GARNL3: variants seen among roughly 807,000 people sequenced by gnomAD.
GARNL3 encodes GTPase-activating Rap/Ran-GAP domain-like protein 3.
GARNL3 carries 63 observed loss-of-function variants against 125.0 expected under a neutral mutation model. The ratio of observed to expected loss-of-function variants is 0.50; its 90% CI spans 0.41 to 0.62. The LOEUF (loss-of-function observed/expected upper bound fraction) is 0.62, where lower values mean the gene tolerates loss of function less well. Ranked by LOEUF, GARNL3 falls within the 20% of genes least tolerant of loss-of-function variation. The pLI is 0.00. For missense variants in GARNL3, 994 were observed against 1,244.0 expected, an observed-to-expected ratio of 0.80 and a Z score of 3.02; for synonymous variants, 439 against 457.5, an observed-to-expected ratio of 0.96 and a Z score of 0.52.
chr9:127,251,619 C>T (rs80084367), intron 2 of GARNL3, among the ~76,000 whole-genome samples: 2,295 of 152,174 alleles, frequency 0.015, 22 homozygotes, highest in Middle Eastern at 0.034. Flanking sequence ...ATATAGAGAC[C>T]ACTTGAAAAG....
intron 18 of GARNL3, 65 bp downstream of exon 18, chr9:127,354,009 C>A: frequency 9.6e-7 from 1 of 1,046,812 alleles, no homozygotes; most frequent in Non-Finnish European, 1.5e-6. Flanking sequence ...GCGGCCCACA[C>A]CACAGGTCGC....
chr9:127,344,816 T>C (rs1830052433), intron 15 of GARNL3, among the ~76,000 whole-genome samples: 2 of 152,110 alleles, frequency 1.3e-5, no homozygotes, highest in Admixed American at 1.3e-4. Flanking sequence ...ATCCCCTTAT[T>C]CCAGGCATTG....
intron 1 of GARNL3, among the ~76,000 whole-genome samples, chr9:127,275,113 AC>A (rs2063920350): frequency 6.6e-6 from 1 of 152,204 alleles, no homozygotes; most frequent in African/African-American, 2.4e-5. Context: ...ACCTTTATGT[AC>A]TGCTCTTAGC....
chr9:127,357,782 T>TA (rs59319315), intron 21 of GARNL3, among the ~76,000 whole-genome samples: 114 of 147,288 alleles, frequency 7.7e-4, no homozygotes, highest in Middle Eastern at 7.1e-3. Flanking sequence ...TATTTAAAAT[T>TA]AAAAAAAAAA....
chr9:127,273,547 A>G (rs2063875840), intron 1 of GARNL3, among the ~76,000 whole-genome samples: 2 of 152,370 alleles, frequency 1.3e-5, no homozygotes, highest in South Asian at 4.1e-4. Context: ...CCCAACCATA[A>G]GTTAGCTACA....
In GARNL3 at chr9:127,272,583, G is replaced by A. The variant is rs142967063; in HGVS notation, c.144+7562G>A. Among the ~76,000 whole-genome samples the A allele has an allele frequency of 5.7e-3, 861 of 151,898 alleles. 23 individuals are homozygous for A. The East Asian group carries it at 0.086, about 15-fold the overall frequency. ...CAACCTCTGCCTCCCAGGTTCAAGCGATTCTCCTGCCTCAGCCTCCTGAGT... is the reference window on the plus strand; with the variant it reads ...CAACCTCTGCCTCCCAGGTTCAAGCAATTCTCCTGCCTCAGCCTCCTGAGT... On this transcript the variant is annotated intron_variant, in intron 1 of 27. Transcript: ENST00000373387.
chr9:127,326,175 C>A (rs1289513496), intron 7 of GARNL3, among the ~76,000 whole-genome samples: 1 of 152,190 alleles, frequency 6.6e-6, no homozygotes, highest in African/African-American at 2.4e-5. Context: ...GAATAGTACA[C>A]CCTGCCTGTC....
At chr9:127,351,071 C>T (rs1162052503) in intron 17 of GARNL3, among the ~76,000 whole-genome samples, 1 of 152,144 alleles carries the variant, frequency 6.6e-6, no homozygotes, top group African/African-American at 2.4e-5. Flanking sequence ...AAATATAGCC[C>T]TGGGCAAATA....
At chr9:127,244,523 G>A (rs2063262530) in intron 2 of GARNL3, among the ~76,000 whole-genome samples, 1 of 152,120 alleles carries the variant, frequency 6.6e-6, no homozygotes, top group South Asian at 2.1e-4. Context: ...ATCTAGGGTG[G>A]GACATAAGAA....
chr9:127,308,127 T>C (rs1425173964), intron 2 of GARNL3, among the ~76,000 whole-genome samples: 1 of 152,236 alleles, frequency 6.6e-6, no homozygotes, highest in African/African-American at 2.4e-5. Flanking sequence ...AATGATATGC[T>C]TTCACCAAAA....
At chr9:127,279,340 A>G (rs543079821) in intron 1 of GARNL3, among the ~76,000 whole-genome samples, 44 of 152,126 alleles carry the variant, frequency 2.9e-4, no homozygotes, top group African/African-American at 9.6e-4. Context: ...TTCTTCTGTT[A>G]TATCTTTGAT....
chr9:127,238,676 C>G (rs570374291), intron 1 of GARNL3, among the ~76,000 whole-genome samples: 1 of 152,332 alleles, frequency 6.6e-6, no homozygotes, highest in East Asian at 1.9e-4. Flanking sequence ...GGATATTTAT[C>G]CTAGAGCCTT....
At chr9:127,383,828 C>G (rs925143090) in intron 23 of GARNL3, among the ~76,000 whole-genome samples, 1 of 152,152 alleles carries the variant, frequency 6.6e-6, no homozygotes, top group African/African-American at 2.4e-5. Context: ...CATTTCAGCA[C>G]CTCAGTTCAT....
At chr9:127,360,343 A>G (rs35742320) in intron 21 of GARNL3, among the ~76,000 whole-genome samples, 34 of 151,170 alleles carry the variant, frequency 2.2e-4, no homozygotes, top group Non-Finnish European at 4.6e-4. Flanking sequence ...GTTTTTAAGG[A>G]AAAAAAAACC....
chr9:127,269,159 G>T (rs573551369), intron 1 of GARNL3, among the ~76,000 whole-genome samples: 1 of 151,878 alleles, frequency 6.6e-6, no homozygotes, highest in African/African-American at 2.4e-5. Context: ...CCACCACACC[G>T]GGCTAATTTT....
intron 13 of GARNL3, among the ~76,000 whole-genome samples, chr9:127,340,441 C>T (rs1410988303): frequency 6.6e-6 from 1 of 152,052 alleles, no homozygotes; most frequent in Non-Finnish European, 1.5e-5. Flanking sequence ...GGTTCATCTG[C>T]TGCAGCTTGC....
intron 22 of GARNL3, among the ~76,000 whole-genome samples, chr9:127,380,336 G>GA (rs1243793115): frequency 2.0e-5 from 3 of 151,108 alleles, no homozygotes; most frequent in South Asian, 4.2e-4. Context: ...ACAAAACACA[G>GA]AAAAAAATAA....
At chr9:127,263,991 G>A (rs2063647574), upstream of GARNL3, 1 of 1,526,402 alleles carries the variant, frequency 6.6e-7, no homozygotes, top group Non-Finnish European at 8.8e-7. Context: ...TTTAAGGAAG[G>A]ATGAAAAGGT....
At chr9:127,263,918 A>T, upstream of GARNL3, 1 of 1,488,222 alleles carries the variant, frequency 6.7e-7, no homozygotes, top group Non-Finnish European at 8.9e-7. Context: ...GTTGCTAAAC[A>T]TCAGAGTCAG....
Sources: allele counts gnomAD v4.1 joint callset (sites outside exome capture counted in the v4.1 genomes callset), GRCh38; gene constraint gnomAD v4.1.1; transcripts MANE v1.5; gene names NCBI Gene and HGNC (gene_info 2026-07-23, HGNC 2026-07-21).